ZC3H12C: variants seen among roughly 807,000 people sequenced by gnomAD.
ZC3H12C encodes probable ribonuclease ZC3H12C.
ZC3H12C carries 20 observed loss-of-function variants against 76.3 expected under a neutral mutation model. The observed-to-expected ratio is 0.26, with a 90% confidence interval of 0.18 to 0.38. The LOEUF is 0.38. Ranked by LOEUF, ZC3H12C falls within the 10% of genes least tolerant of loss-of-function variation. ZC3H12C has a pLI of 1.00. For synonymous variants in ZC3H12C, 352 were observed against 399.6 expected (o/e 0.88, Z 1.42); for missense variants, 874 against 1,086.5 (o/e 0.80, Z 2.75).
chr11:110,136,494 T>C, intron 1 of ZC3H12C, 169 bp from the exon 2 acceptor site: 2 of 675,312 alleles, frequency 3.0e-6, no homozygotes, highest in Non-Finnish European at 4.8e-6. Context: ...CTTCTTCATC[T>C]GAAAAATGGC....
In ZC3H12C at chr11:110,098,480, G is replaced by T. The variant is rs150035903; in HGVS notation, c.21+5048G>T. 2.6e-3 allele frequency among the ~76,000 whole-genome samples: 390 copies of T among 152,278 alleles called. 2 individuals are homozygous for T. Among genetic ancestry groups the T allele is most frequent in the Middle Eastern group, 6.8e-3 (2 of 294 alleles). On this transcript the variant is annotated intron_variant, in intron 1 of 5. Coordinates refer to ENST00000278590, the MANE Select transcript of ZC3H12C (RefSeq NM_033390.2). ...GGTAGCCTAAGTGTAGAGTGTTTAT[G>T]AAATCTACAGTAATGTACACTAATA...
In ZC3H12C at chr11:110,131,099, C is replaced by T. The variant is rs548307837; in HGVS notation, c.22-5564C>T. 6 of 1,535,370 alleles carry T rather than the reference C, an allele frequency of 3.9e-6. No homozygotes were observed. The South Asian group carries it at 5.9e-5, about 15-fold the overall frequency. On this transcript the variant is annotated intron_variant, in intron 1 of 5. Transcript: ENST00000278590. ...CAGAAACCAATGTCTTTGTATTTTC[C>T]TGCTAACGTGAGTATTTGTGCTACT...
intron 1 of ZC3H12C, 45 bp from the exon 2 acceptor site, chr11:110,136,618 C>G: frequency 1.3e-6 from 2 of 1,561,446 alleles, no homozygotes; most frequent in South Asian, 1.2e-5. Context: ...AGACAGAAAT[C>G]TAGCCATAAC....
chr11:110,144,686 T>G (rs1862130531), intron 2 of ZC3H12C, among the ~76,000 whole-genome samples: 1 of 152,214 alleles, frequency 6.6e-6, no homozygotes. Context: ...TCCAAGGTTT[T>G]TAACAAGCAT....
At position 110,164,678 on chromosome 11, in the gene ZC3H12C, AC is replaced by A. The variant is rs768208762; in HGVS notation, c.1597del (p.Gln533LysfsTer6). The A allele has an allele frequency of 6.2e-7, 1 of 1,613,896 alleles. No individual in the cohort carries two copies. The highest frequency in any genetic ancestry group is 8.5e-7 in the Non-Finnish European group (1 of 1,179,866). Reference sequence around the variant, plus strand: ...GCATCCCAGCTACTTCTACTGCAAAACCCCAAAGCACTACATCTTTAAGCAA... The same window carrying A: ...GCATCCCAGCTACTTCTACTGCAAAACCCAAAGCACTACATCTTTAAGCAA... ...VSIPATSTAK[P>X]QSTTSLSNGL... On this transcript the variant is annotated frameshift_variant, in exon 6 of 6. Transcript: ENST00000278590. LOFTEE classifies it high-confidence loss of function. This position sits in a 1 kb window ranked among gnomAD's most constrained non-coding sequence, Gnocchi z 5.7.
chr11:110,142,469 C>G (rs552229001), intron 2 of ZC3H12C, among the ~76,000 whole-genome samples: 1 of 152,128 alleles, frequency 6.6e-6, no homozygotes, highest in Non-Finnish European at 1.5e-5. Context: ...CTTTTTACAT[C>G]TACTAAACAG....
chr11:110,158,434 G>C (rs548327424), intron 3 of ZC3H12C, among the ~76,000 whole-genome samples: 1 of 151,978 alleles, frequency 6.6e-6, no homozygotes, highest in East Asian at 1.9e-4. Context: ...CACTTGAACC[G>C]GGGAGGCGGA....
At chr11:110,117,733 TACACACACATATATATATTA>T (rs1239170152) in intron 1 of ZC3H12C, among the ~76,000 whole-genome samples, 4 of 66,198 alleles carry the variant, frequency 6.0e-5, no homozygotes, top group African/African-American at 2.4e-4. Context: ...CATATATATA[TACACACACATATATATATTA>T]TATATACACA....
chr11:110,103,755 G>A (rs531551739), intron 1 of ZC3H12C, among the ~76,000 whole-genome samples: 10 of 151,980 alleles, frequency 6.6e-5, no homozygotes, highest in South Asian at 6.2e-4. Context: ...ACAGGCGCCC[G>A]CCACCACACC....
At chr11:110,117,406 G>A (rs1488843144) in intron 1 of ZC3H12C, among the ~76,000 whole-genome samples, 1 of 151,866 alleles carries the variant, frequency 6.6e-6, no homozygotes, top group African/African-American at 2.4e-5. Context: ...GGAGAAAAAT[G>A]TATTTCTGTA....
intron 1 of ZC3H12C, among the ~76,000 whole-genome samples, chr11:110,113,018 A>T (rs543796490): frequency 2.1e-4 from 30 of 142,368 alleles, no homozygotes; most frequent in Admixed American, 1.5e-3. Flanking sequence ...AAAAAGATTT[A>T]AAAAAAAGTC....
intron 1 of ZC3H12C, among the ~76,000 whole-genome samples, chr11:110,126,546 C>T (rs1410705236): frequency 6.6e-6 from 1 of 151,814 alleles, no homozygotes; most frequent in Non-Finnish European, 1.5e-5. Flanking sequence ...ATTAAAATAC[C>T]AACAGTTTAC....
chr11:110,159,482 C>A lies in ZC3H12C; in HGVS notation c.1140C>A (p.Val380=). The change falls in exon 4 of 6, where the codon GTC becomes GTA. Residue 380 remains valine (V), a synonymous_variant. Coordinates refer to ENST00000278590, the MANE Select transcript of ZC3H12C (RefSeq NM_033390.2). ...AACGATTATTAATGTATTCATTTGT[C>A]AATGACAAGTAAGTAAAACCATTTA... ...IDERLLMYSF[V]NDKFMPPDDP... 1.2e-6 allele frequency: 2 copies of A among 1,603,854 alleles called. No homozygotes were observed. Among genetic ancestry groups the A allele is most frequent in the South Asian group, 2.2e-5 (2 of 89,380 alleles).
chr11:110,121,477 C>G (rs1861649709), intron 1 of ZC3H12C, among the ~76,000 whole-genome samples: 1 of 152,176 alleles, frequency 6.6e-6, no homozygotes, highest in Non-Finnish European at 1.5e-5. Flanking sequence ...CCTAAAGGCT[C>G]AGAATTCTTA....
rs756937433 is a variant in ZC3H12C at position 110,137,324 on chromosome 11, A to G, written c.683A>G (p.Gln228Arg). The G allele has an allele frequency of 6.8e-6, 11 of 1,613,352 alleles. No individual in the cohort carries two copies. Among genetic ancestry groups the G allele is most frequent in the Middle Eastern group, 1.6e-4 (1 of 6,082 alleles). The change falls in exon 2 of 6, where the codon CAG (glutamine) becomes CGG (arginine). Residue 228 changes from glutamine (Q) to arginine (R), a missense_variant. Coordinates refer to ENST00000278590, the MANE Select transcript of ZC3H12C (RefSeq NM_033390.2). ...CGGGAAACTTCTTCCCTGGAATCTC[A>G]GAGGTCTGAATCTCCAATGCAAGAG... ...ITRETSSLES[Q>R]RSESPMQEIV...
intron 2 of ZC3H12C, among the ~76,000 whole-genome samples, chr11:110,148,572 G>T (rs903487252): frequency 1.3e-5 from 2 of 152,086 alleles, no homozygotes; most frequent in Admixed American, 6.5e-5. Context: ...ACCTAATCAC[G>T]GGTGACCACA....
chr11:110,126,354 T>A (rs1361463458), intron 1 of ZC3H12C, among the ~76,000 whole-genome samples: 1 of 151,096 alleles, frequency 6.6e-6, no homozygotes, highest in Non-Finnish European at 1.5e-5. Flanking sequence ...TAGCTAGAAC[T>A]ACAGGCATGT....
chr11:110,168,250 A>G lies in ZC3H12C; in HGVS notation c.*2513A>G, dbSNP rs1318965190. ...AAGTGAGTAGCTCTGAACTACCCAC[A>G]CTAAATCCTTCAGTGTAATTAATTA... On this transcript the variant is annotated 3_prime_UTR_variant, in exon 6 of 6. Coordinates refer to ENST00000278590, the MANE Select transcript of ZC3H12C (RefSeq NM_033390.2). The G allele has an allele frequency of 6.6e-6, 1 of 152,182 alleles. No homozygotes were observed. The highest frequency in any genetic ancestry group is 2.4e-5 in the African/African-American group (1 of 41,456). 9.4% of individuals were successfully genotyped at this position (152,182 alleles called of 1,614,324 possible). A position where few individuals can be genotyped will look rare whatever the true frequency, so the allele number is the denominator to read the frequency against.
chr11:110,120,336 C>G (rs893294052), intron 1 of ZC3H12C, among the ~76,000 whole-genome samples: 3 of 152,114 alleles, frequency 2.0e-5, no homozygotes, highest in Non-Finnish European at 4.4e-5. Flanking sequence ...TAAATTACAC[C>G]TAAACAAAGC....
Sources: gnomAD v4.1 joint callset for allele counts (sites outside exome capture counted in the v4.1 genomes callset) on GRCh38, gnomAD v4.1.1 for gene constraint, Gnocchi (gnomAD v3.1) non-coding constraint, MANE v1.5 for transcripts, NCBI Gene and HGNC (gene_info 2026-07-23, HGNC 2026-07-21) for gene names.